The following PKNOX2 variants were observed in gnomAD, a reference collection of about 807,000 sequenced individuals.
The protein encoded by PKNOX2 is PBX/knotted 1 homeobox 2.
A neutral mutation model predicts 53.1 loss-of-function variants in PKNOX2; 14 were observed. The observed-to-expected ratio is 0.26, with a 90% confidence interval of 0.17 to 0.41. PKNOX2 has a LOEUF of 0.41. Among genes scored for constraint, PKNOX2 ranks in the 10% least tolerant of loss-of-function variants. The pLI, the probability that PKNOX2 is intolerant of heterozygous loss-of-function variation, is 1.00. For synonymous variants in PKNOX2, 257 were observed against 242.8 expected (o/e 1.06, Z -0.54); for missense variants, 496 against 602.8 (o/e 0.82, Z 1.85).
chr11:125,344,005 A>G (rs1020762865), intron 3 of PKNOX2, among the ~76,000 whole-genome samples: 1 of 152,168 alleles, frequency 6.6e-6, no homozygotes, highest in African/African-American at 2.4e-5. Flanking sequence ...AAGGAAGGCA[A>G]GTCCTGTCCA....
chr11:125,397,807 T>G, intron 6 of PKNOX2, 67 bp from the exon 7 acceptor site: 2 of 1,497,952 alleles, frequency 1.3e-6, no homozygotes, highest in South Asian at 1.3e-5. Context: ...TGGTGGGGGC[T>G]GGGGGTCCAG....
rs189345616 is a variant in PKNOX2 at position 125,269,097 on chromosome 11, G to A, written c.-130+33982G>A. 1.3e-3 allele frequency among the ~76,000 whole-genome samples: 192 copies of A among 152,342 alleles called. 1 individual carries two copies. The highest frequency in any genetic ancestry group is 4.4e-3 in the African/African-American group (184 of 41,580). On this transcript the variant is annotated intron_variant, in intron 2 of 12. Coordinates refer to ENST00000298282, the MANE Select transcript of PKNOX2 (RefSeq NM_001382323.2). ...AAGGATGAAAGAGATGGGAATTCTT[G>A]TAAATTTTTAATCTGAAAAATAAAG...
chr11:125,342,090 G>A (rs566273284), intron 3 of PKNOX2, among the ~76,000 whole-genome samples: 8 of 152,224 alleles, frequency 5.3e-5, no homozygotes, highest in Admixed American at 1.3e-4. Context: ...GGGTATGAGC[G>A]TCTCAGGAAC....
At chr11:125,289,098 G>C (rs960871930) in intron 2 of PKNOX2, among the ~76,000 whole-genome samples, 1 of 152,180 alleles carries the variant, frequency 6.6e-6, no homozygotes, top group Non-Finnish European at 1.5e-5. Context: ...TAGGTGCTGC[G>C]GTGTAGAGAT....
At chr11:125,241,920 T>C (rs1344386869) in intron 2 of PKNOX2, among the ~76,000 whole-genome samples, 1 of 152,078 alleles carries the variant, frequency 6.6e-6, no homozygotes, top group Non-Finnish European at 1.5e-5. Context: ...GATGAATGTA[T>C]GATTCAAGGT....
chr11:125,371,488 G>A (rs769895433), intron 5 of PKNOX2, among the ~76,000 whole-genome samples: 2 of 152,136 alleles, frequency 1.3e-5, no homozygotes, highest in East Asian at 1.9e-4. Flanking sequence ...GGTTGCCAGC[G>A]GCGCAGAGGC....
intron 1 of PKNOX2, among the ~76,000 whole-genome samples, chr11:125,189,805 C>A (rs892895226): frequency 6.6e-6 from 1 of 151,880 alleles, no homozygotes; most frequent in African/African-American, 2.4e-5. Context: ...ATCTTGCAGT[C>A]CCTCTTTCCC....
At chr11:125,416,282 G>A (rs1240914291) in intron 10 of PKNOX2, among the ~76,000 whole-genome samples, 5 of 126,130 alleles carry the variant, frequency 4.0e-5, no homozygotes, top group Admixed American at 9.6e-5. Flanking sequence ...CAGCCTGGGC[G>A]ACAGAGCGAG....
chr11:125,287,625 G>C (rs764648919), intron 2 of PKNOX2: 1 of 152,248 alleles, frequency 6.6e-6, no homozygotes, highest in Non-Finnish European at 1.5e-5. Context: ...GCAACACGTG[G>C]TGTTGGGCTA....
intron 3 of PKNOX2, among the ~76,000 whole-genome samples, chr11:125,343,948 C>A (rs1287107325): frequency 6.6e-6 from 1 of 151,680 alleles, no homozygotes; most frequent in African/African-American, 2.4e-5. Flanking sequence ...CAGCAAAGGG[C>A]AGGACGGTGG....
chr11:125,298,192 TA>T (rs1947788014), intron 2 of PKNOX2, among the ~76,000 whole-genome samples: 1 of 152,150 alleles, frequency 6.6e-6, no homozygotes, highest in African/African-American at 2.4e-5. Flanking sequence ...GGCTGTTGGT[TA>T]CCCCTGGGGC....
rs540614062 is a variant in PKNOX2 at position 125,324,711 on chromosome 11, A to G, written c.-129-7108A>G. ...CTGAGATGTGGCTGTGGAGATGGAA[A>G]GGAAGAAAATGTAGCTCACTCTATC... On this transcript the variant is annotated intron_variant, in intron 2 of 12. Transcript: ENST00000298282. Among the ~76,000 whole-genome samples the G allele has an allele frequency of 4.6e-5, 7 of 152,324 alleles. No homozygotes were observed. The East Asian group carries it at 9.6e-4, about 21-fold the overall frequency.
chr11:125,383,349 C>T (rs1953383598), intron 5 of PKNOX2, among the ~76,000 whole-genome samples: 1 of 151,566 alleles, frequency 6.6e-6, no homozygotes, highest in Non-Finnish European at 1.5e-5. Context: ...GTGGCTCACA[C>T]CTGTAATCCC....
At chr11:125,257,254 G>A (rs1352172291) in intron 2 of PKNOX2, among the ~76,000 whole-genome samples, 8 of 152,088 alleles carry the variant, frequency 5.3e-5, no homozygotes, top group Non-Finnish European at 1.0e-4. Context: ...TTTCCTCTTC[G>A]CTGTCCCCGG....
At chr11:125,347,371 C>T (rs1482620428) in intron 3 of PKNOX2, among the ~76,000 whole-genome samples, 3 of 152,252 alleles carry the variant, frequency 2.0e-5, no homozygotes, top group Non-Finnish European at 2.9e-5. Context: ...TACTGCCTGG[C>T]AGCATTAACC....
At chr11:125,333,746 C>A (rs918343675) in intron 3 of PKNOX2, among the ~76,000 whole-genome samples, 2 of 152,176 alleles carry the variant, frequency 1.3e-5, no homozygotes. Flanking sequence ...CACTTAAATT[C>A]TTAGCTCTCT....
chr11:125,299,751 G>C (rs942785853), intron 2 of PKNOX2, among the ~76,000 whole-genome samples: 2 of 152,178 alleles, frequency 1.3e-5, no homozygotes, highest in African/African-American at 4.8e-5. Flanking sequence ...ATTTGGAGAG[G>C]GTGAGCGTTG....
intron 10 of PKNOX2, among the ~76,000 whole-genome samples, chr11:125,412,094 G>A (rs1028949219): frequency 3.3e-5 from 5 of 152,234 alleles, no homozygotes; most frequent in Admixed American, 1.3e-4. Context: ...TGGAAAAAAT[G>A]TGGCAACACA....
intron 1 of PKNOX2, among the ~76,000 whole-genome samples, chr11:125,231,539 G>A (rs1935438067): frequency 6.6e-6 from 1 of 152,242 alleles, no homozygotes; most frequent in South Asian, 2.1e-4. Context: ...ATTTGCCTGT[G>A]AGGATCACAG....
Sources: allele counts gnomAD v4.1 joint callset (sites outside exome capture counted in the v4.1 genomes callset), GRCh38; gene constraint gnomAD v4.1.1; transcripts MANE v1.5; gene names NCBI Gene and HGNC (gene_info 2026-07-23, HGNC 2026-07-21).